The following NELL1 variants were observed in gnomAD, a reference collection of about 807,000 sequenced individuals.
The protein encoded by NELL1 is protein kinase C-binding protein NELL1.
In NELL1, 76 loss-of-function variants were observed where a neutral mutation model predicts 107.4. That is an observed-to-expected ratio of 0.71 (90% CI 0.59 to 0.86). NELL1 has a LOEUF of 0.86. Among genes scored for constraint, NELL1 ranks in the 40% least tolerant of loss-of-function variants. The pLI is 0.00. For synonymous variants in NELL1, 353 were observed against 341.2 expected, an observed-to-expected ratio of 1.03 and a Z score of -0.38; for missense variants, 1,024 against 1,005.5, an observed-to-expected ratio of 1.02 and a Z score of -0.25.
At chr11:21,277,763 G>A (rs1348780917) in intron 14 of NELL1, among the ~76,000 whole-genome samples, 1 of 152,154 alleles carries the variant, frequency 6.6e-6, no homozygotes, top group Non-Finnish European at 1.5e-5. Context: ...CGTGGATGAA[G>A]CTGGAAACCA....
intron 13 of NELL1, among the ~76,000 whole-genome samples, chr11:21,185,611 A>G (rs1856919773): frequency 6.6e-6 from 1 of 151,482 alleles, no homozygotes; most frequent in Non-Finnish European, 1.5e-5. Context: ...TTTTTTTACT[A>G]CTTACCATGG....
chr11:21,401,713 A>G (rs529525137), intron 15 of NELL1, among the ~76,000 whole-genome samples: 2 of 151,848 alleles, frequency 1.3e-5, no homozygotes, highest in South Asian at 4.1e-4. Flanking sequence ...AGGATAAGAA[A>G]GCATGTTTGA....
At chr11:21,086,249 A>C (rs1352589746) in intron 12 of NELL1, among the ~76,000 whole-genome samples, 1 of 152,144 alleles carries the variant, frequency 6.6e-6, no homozygotes, top group Non-Finnish European at 1.5e-5. Context: ...TTAGAAAGAA[A>C]GGAGAGTGTT....
At chr11:21,349,722 G>A (rs1161323375) in intron 14 of NELL1, among the ~76,000 whole-genome samples, 2 of 151,956 alleles carry the variant, frequency 1.3e-5, no homozygotes, top group Admixed American at 1.3e-4. Context: ...TGCTGCTTGT[G>A]CAAATGCTAC....
At chr11:21,262,646 A>T (rs924832823) in intron 14 of NELL1, 3 of 151,552 alleles carry the variant, frequency 2.0e-5, no homozygotes, top group African/African-American at 7.3e-5. Context: ...AGGTTCCTGT[A>T]TGGAATTTGA....
intron 14 of NELL1, among the ~76,000 whole-genome samples, chr11:21,321,935 C>T (rs1001742834): frequency 9.2e-5 from 14 of 152,330 alleles, no homozygotes; most frequent in African/African-American, 3.4e-4. Context: ...AACTTCTATA[C>T]TCTATTGTTT....
chr11:21,526,411 C>T (rs892831110), intron 15 of NELL1, among the ~76,000 whole-genome samples: 2 of 152,222 alleles, frequency 1.3e-5, no homozygotes, highest in African/African-American at 4.8e-5. Context: ...ATGTGTGTTG[C>T]AAGCTGTCAG....
intron 15 of NELL1, among the ~76,000 whole-genome samples, chr11:21,439,263 G>A (rs1022862311): frequency 2.0e-5 from 3 of 152,166 alleles, no homozygotes; most frequent in Non-Finnish European, 2.9e-5. Flanking sequence ...CCAGTCTTCA[G>A]TTATACAGAT....
chr11:20,801,597 C>T (rs1466457257), intron 3 of NELL1, among the ~76,000 whole-genome samples: 1 of 152,120 alleles, frequency 6.6e-6, no homozygotes, highest in Non-Finnish European at 1.5e-5. Flanking sequence ...TCCCATTTAT[C>T]CGTTTTTACT....
chr11:21,494,294 C>T (rs1024812417), intron 15 of NELL1, among the ~76,000 whole-genome samples: 1 of 151,852 alleles, frequency 6.6e-6, no homozygotes, highest in African/African-American at 2.4e-5. Flanking sequence ...AACGCATAAA[C>T]ACATATTAGG....
chr11:21,175,638 T>C (rs1191392473), intron 13 of NELL1, among the ~76,000 whole-genome samples: 1 of 151,882 alleles, frequency 6.6e-6, no homozygotes, highest in East Asian at 1.9e-4. Context: ...AGTCTTTCTG[T>C]TTCACGACTC....
intron 14 of NELL1, among the ~76,000 whole-genome samples, chr11:21,235,438 A>C (rs1858181499): frequency 6.6e-6 from 1 of 152,174 alleles, no homozygotes; most frequent in South Asian, 2.1e-4. Context: ...AATCAATCAG[A>C]AGAATCTTTG....
intron 4 of NELL1, among the ~76,000 whole-genome samples, chr11:20,863,422 C>G: frequency 9.7e-6 from 1 of 103,092 alleles, no homozygotes. Context: ...CTCCTCACTT[C>G]CCAGAAGGGG....
intron 15 of NELL1, among the ~76,000 whole-genome samples, chr11:21,532,963 T>C (rs1038890513): frequency 1.3e-5 from 2 of 152,196 alleles, no homozygotes; most frequent in South Asian, 2.1e-4. Flanking sequence ...TACATGGTGA[T>C]TGGAAATTTA....
At chr11:21,385,926 C>T (rs550696467) in intron 15 of NELL1, among the ~76,000 whole-genome samples, 5 of 151,926 alleles carry the variant, frequency 3.3e-5, no homozygotes, top group African/African-American at 1.2e-4. Context: ...CCTTCTCCTT[C>T]CCATAATATC....
intron 8 of NELL1, 59 bp from the exon 9 acceptor site, chr11:20,928,318 A>G (rs1850543396): frequency 3.4e-6 from 5 of 1,453,592 alleles, no homozygotes; most frequent in South Asian, 3.4e-5. Context: ...AATGATCTCC[A>G]CAACAGGAGC....
At chr11:21,060,234 C>G (rs1853706340) in intron 12 of NELL1, among the ~76,000 whole-genome samples, 1 of 152,182 alleles carries the variant, frequency 6.6e-6, no homozygotes, top group Admixed American at 6.5e-5. Context: ...TACTTATTAT[C>G]TTTGGGACAC....
At chr11:21,547,197 A>G (rs1856464172) in intron 16 of NELL1, among the ~76,000 whole-genome samples, 1 of 151,988 alleles carries the variant, frequency 6.6e-6, no homozygotes, top group Non-Finnish European at 1.5e-5. Context: ...CTTTCACAGA[A>G]AATATATTTG....
chr11:21,346,918 C>A (rs894556677), intron 14 of NELL1, among the ~76,000 whole-genome samples: 4 of 152,084 alleles, frequency 2.6e-5, no homozygotes, highest in Non-Finnish European at 4.4e-5. Context: ...CTTATTATAA[C>A]GTGGCATACA....
Sources: allele counts gnomAD v4.1 joint callset (sites outside exome capture counted in the v4.1 genomes callset), GRCh38; gene constraint gnomAD v4.1.1; transcripts MANE v1.5; gene names NCBI Gene and HGNC (gene_info 2026-07-23, HGNC 2026-07-21).